The following TCERG1L variants were observed in gnomAD, a reference collection of about 807,000 sequenced individuals.
TCERG1L encodes transcription elongation regulator 1 like.
TCERG1L carries 37 observed loss-of-function variants against 56.3 expected under a neutral mutation model. The ratio of observed to expected loss-of-function variants is 0.66; its 90% CI spans 0.51 to 0.87. The LOEUF (loss-of-function observed/expected upper bound fraction) is 0.87, where lower values mean the gene tolerates loss of function less well. TCERG1L is among the 40% of genes least tolerant of loss of function. The pLI, the probability that TCERG1L is intolerant of heterozygous loss-of-function variation, is 0.00. For missense variants in TCERG1L, 799 were observed against 774.2 expected (o/e 1.03, Z -0.38); for synonymous variants, 324 against 326.3 (o/e 0.99, Z 0.08).
chr10:131,177,288 A>G (rs1845111864), intron 4 of TCERG1L, among the ~76,000 whole-genome samples: 1 of 152,252 alleles, frequency 6.6e-6, no homozygotes, highest in Non-Finnish European at 1.5e-5. Context: ...CACAAAGCAA[A>G]GCTTTTGCCT....
At chr10:131,281,258 C>T (rs531882574) in intron 3 of TCERG1L, among the ~76,000 whole-genome samples, 7 of 152,312 alleles carry the variant, frequency 4.6e-5, no homozygotes, top group Admixed American at 1.3e-4. Context: ...TCTATCACGG[C>T]GGCCTTGCAG....
At chr10:131,205,925 C>T (rs1228190883) in intron 4 of TCERG1L, among the ~76,000 whole-genome samples, 1 of 152,210 alleles carries the variant, frequency 6.6e-6, no homozygotes, top group Non-Finnish European at 1.5e-5. Flanking sequence ...GCTCCTGTGC[C>T]AGGTCTCTGT....
intron 4 of TCERG1L, among the ~76,000 whole-genome samples, chr10:131,257,651 T>C (rs1034075336): frequency 5.9e-5 from 9 of 152,118 alleles, no homozygotes; most frequent in Non-Finnish European, 1.3e-4. Flanking sequence ...GATGATTCTC[T>C]ACCATGGGGG....
intron 9 of TCERG1L, among the ~76,000 whole-genome samples, chr10:131,110,562 G>A (rs1376574794): frequency 1.3e-5 from 2 of 152,220 alleles, no homozygotes; most frequent in East Asian, 3.9e-4. Flanking sequence ...GCCCAGCACT[G>A]TCCACGCCTC....
rs370375750 is a variant in TCERG1L at position 131,118,337 on chromosome 10, A to C, written c.1260-1403T>G. On this transcript the variant is annotated intron_variant, in intron 8 of 11. Transcript: ENST00000368642. This position sits in a 1 kb window ranked among gnomAD's most constrained non-coding sequence, Gnocchi z 4.2. Reference sequence around the variant, plus strand: ...AAAACCAGCTCACCCTGGGATCTGGATTGTGAGTTTCTCGAACCGTAGTCT... The same window carrying C: ...AAAACCAGCTCACCCTGGGATCTGGCTTGTGAGTTTCTCGAACCGTAGTCT... 1.3e-5 allele frequency among the ~76,000 whole-genome samples: 2 copies of C among 152,212 alleles called. No homozygotes were observed. Among genetic ancestry groups the C allele is most frequent in the East Asian group, 3.9e-4 (2 of 5,174 alleles).
Position 131,092,833 on chromosome 10 carries a change from T to G in TCERG1L, c.*329A>C. 7 of 199,144 alleles carry G rather than the reference T, an allele frequency of 3.5e-5. No individual in the cohort carries two copies. Among genetic ancestry groups the G allele is most frequent in the Non-Finnish European group, 4.0e-5 (4 of 99,084 alleles). The allele number at this position is 199,144 out of a possible 1,614,324, so 12.3% of individuals were successfully genotyped here. ...GTCTTAGGTGATGACACAAATGCCT[T>G]GAGATTGTTACAGAGGCTCCCGTTC... On this transcript the variant is annotated 3_prime_UTR_variant, in exon 12 of 12. Coordinates refer to ENST00000368642, the MANE Select transcript of TCERG1L (RefSeq NM_174937.4).
chr10:131,174,630 A>T (rs566616973), intron 4 of TCERG1L, among the ~76,000 whole-genome samples: 5 of 152,288 alleles, frequency 3.3e-5, no homozygotes, highest in Admixed American at 6.5e-5. Flanking sequence ...TAAACAGCAA[A>T]TCATTTCTGA....
At chr10:131,194,297 C>T (rs758528641) in intron 4 of TCERG1L, among the ~76,000 whole-genome samples, 10 of 152,248 alleles carry the variant, frequency 6.6e-5, no homozygotes, top group African/African-American at 2.2e-4. Flanking sequence ...TACACGCTGA[C>T]GAAGGGAGAC....
intron 4 of TCERG1L, among the ~76,000 whole-genome samples, chr10:131,248,017 ACT>A (rs1351314123): frequency 1.3e-5 from 2 of 151,628 alleles, no homozygotes; most frequent in African/African-American, 4.9e-5. Context: ...ACATGCATAC[ACT>A]CACACACACA....
At chr10:131,246,660 T>C (rs1042954077) in intron 4 of TCERG1L, among the ~76,000 whole-genome samples, 1 of 147,540 alleles carries the variant, frequency 6.8e-6, no homozygotes, top group Non-Finnish European at 1.5e-5. Flanking sequence ...GGTGGGTGCC[T>C]GCCTGAGCCA....
chr10:131,181,338 G>C (rs575215557), intron 4 of TCERG1L, among the ~76,000 whole-genome samples: 2 of 152,244 alleles, frequency 1.3e-5, no homozygotes, highest in African/African-American at 2.4e-5. Context: ...GGGCCCGGGG[G>C]TGTCTGTGCT....
chr10:131,098,169 C>T (rs1185599301), intron 11 of TCERG1L, 137 bp downstream of exon 11: 12 of 865,880 alleles, frequency 1.4e-5, no homozygotes, highest in Non-Finnish European at 2.1e-5. Context: ...GTCTCACTGG[C>T]AGGTCTTCAA....
chr10:131,119,375 CA>C (rs1326843533), intron 8 of TCERG1L, among the ~76,000 whole-genome samples: 2 of 152,224 alleles, frequency 1.3e-5, no homozygotes, highest in Non-Finnish European at 2.9e-5. Flanking sequence ...GGAGAATTTA[CA>C]TTCTCTGCTT....
chr10:131,098,241 G>C (rs1017161077), intron 11 of TCERG1L, 65 bp downstream of exon 11: 1 of 1,491,554 alleles, frequency 6.7e-7, no homozygotes, highest in Non-Finnish European at 9.0e-7. Flanking sequence ...CAAACCTGAA[G>C]AGTCCTCTTG....
intron 9 of TCERG1L, among the ~76,000 whole-genome samples, chr10:131,108,792 C>T (rs1293231282): frequency 6.6e-6 from 1 of 152,170 alleles, no homozygotes; most frequent in Non-Finnish European, 1.5e-5. Flanking sequence ...GGTCCTCTTC[C>T]AAGCTCACTG....
At chr10:131,295,490 C>T (rs1045338469) in intron 3 of TCERG1L, among the ~76,000 whole-genome samples, 2 of 152,172 alleles carry the variant, frequency 1.3e-5, no homozygotes, top group East Asian at 1.9e-4. Flanking sequence ...TTTTCATGAA[C>T]GCCATTCTAA....
chr10:131,195,271 C>T (rs1845346488), intron 4 of TCERG1L, among the ~76,000 whole-genome samples: 1 of 152,162 alleles, frequency 6.6e-6, no homozygotes, highest in Non-Finnish European at 1.5e-5. Flanking sequence ...CATACCTGGC[C>T]GGTGGGTGTG....
rs554535085 is a variant in TCERG1L, at chr10:131,117,343, C to T, written c.1260-409G>A. On this transcript the variant is annotated intron_variant, in intron 8 of 11. Coordinates refer to ENST00000368642, the MANE Select transcript of TCERG1L (RefSeq NM_174937.4). ...GGGTCATGGAGGGGTAAGGAGCAGG[C>T]TTTTCATCCGAACAATCATTTCACT... Among the ~76,000 whole-genome samples, 5 of 152,348 alleles carry T rather than the reference C, an allele frequency of 3.3e-5. No individual in the cohort carries two copies. The East Asian group carries it at 9.7e-4, about 29-fold the overall frequency.
chr10:131,183,263 A>G (rs1299089630), intron 4 of TCERG1L, among the ~76,000 whole-genome samples: 1 of 152,212 alleles, frequency 6.6e-6, no homozygotes, highest in Non-Finnish European at 1.5e-5. Context: ...ATTTTTAATG[A>G]CTATTTCTTT....
Sources: gnomAD v4.1 joint callset for allele counts (sites outside exome capture counted in the v4.1 genomes callset) on GRCh38, gnomAD v4.1.1 for gene constraint, Gnocchi (gnomAD v3.1) non-coding constraint, MANE v1.5 for transcripts, NCBI Gene and HGNC (gene_info 2026-07-23, HGNC 2026-07-21) for gene names.